CNNM3: variants seen among roughly 807,000 people sequenced by gnomAD.
The protein encoded by CNNM3 is cyclin and CBS domain divalent metal cation transport mediator 3, also known as metal transporter CNNM3.
CNNM3 carries 47 observed loss-of-function variants against 57.1 expected under a neutral mutation model. That is an observed-to-expected ratio of 0.82 (90% confidence interval 0.65 to 1.05). CNNM3 has a LOEUF of 1.05. CNNM3 is among the 50% of genes least tolerant of loss of function. CNNM3 has a pLI of 0.00. For synonymous variants in CNNM3, 507 were observed against 478.2 expected, an observed-to-expected ratio of 1.06 and a Z score of -0.79; for missense variants, 957 against 973.7, an observed-to-expected ratio of 0.98 and a Z score of 0.23.
intron 1 of CNNM3, among the ~76,000 whole-genome samples, chr2:96,824,184 T>TC (rs1331996522): frequency 6.6e-6 from 1 of 152,186 alleles, no homozygotes; most frequent in African/African-American, 2.4e-5. Context: ...TCCTGAAGCC[T>TC]CCCCAGCATT....
At chr2:96,829,296 A>ATTTT in intron 7 of CNNM3, 162 bp downstream of exon 7, 2 of 688,692 alleles carry the variant, frequency 2.9e-6, no homozygotes, top group Non-Finnish European at 1.8e-6. Flanking sequence ...TATATAAATA[A>ATTTT]TTTTTTTTTT....
intron 6 of CNNM3, 115 bp downstream of exon 6, chr2:96,828,815 A>C: frequency 6.7e-7 from 1 of 1,500,132 alleles, no homozygotes; most frequent in Non-Finnish European, 9.1e-7. Flanking sequence ...CCTGAGGGAC[A>C]CAGACCTTTG....
Position 96,828,649 on chromosome 2 carries a change from G to C in CNNM3, c.1869G>C (p.Ala623=), listed in dbSNP as rs372047605. The change falls in exon 6 of 8, where the codon GCG becomes GCC. Residue 623 remains alanine (A), a synonymous_variant. Transcript: ENST00000305510. ...PDPGDGTHSS[A]YCPDYTVRAL... ...CAGGTGACGGCACGCATTCATCTGC[G>C]TATTGTCCCGACTACACCGTGAGGG... is the stretch of plus-strand genomic sequence containing the variant. 1.9e-6 allele frequency: 3 copies of C among 1,614,158 alleles called. No homozygotes were observed. The highest frequency in any genetic ancestry group is 1.7e-5 in the Admixed American group (1 of 60,010).
rs758918218 is a variant in CNNM3, at chr2:96,827,823, G to A, written c.1612G>A (p.Glu538Lys). 5.6e-6 allele frequency: 9 copies of A among 1,614,058 alleles called. No individual in the cohort carries two copies. The Admixed American group carries it at 6.7e-5, about 12-fold the overall frequency. Residue 538 changes from glutamate (E) to lysine (K), a missense_variant, in exon 4 of 8, where the codon GAG becomes AAG. Glu to Lys is a moderately conservative substitution (Grantham distance 56, BLOSUM62 1). Coordinates refer to ENST00000305510, the MANE Select transcript of CNNM3 (RefSeq NM_017623.5). ...TGTCAACCAGGAAGTGAGGTTTGAC[G>A]AGAGCAACCGGCTGGCCACACACCA... is the stretch of plus-strand genomic sequence containing the variant. ...PSVNQEVRFDESNRLATHHYL... is the reference protein window; with the variant it reads ...PSVNQEVRFDKSNRLATHHYL...
intron 2 of CNNM3, 22 bp from the exon 3 acceptor site, chr2:96,826,811 G>C: frequency 6.2e-7 from 1 of 1,613,430 alleles, no homozygotes; most frequent in Non-Finnish European, 8.5e-7. Context: ...ATGCCTGAGC[G>C]CGCCCTCTTC....
At position 96,816,430 on chromosome 2, in the gene CNNM3, A is replaced by G. The variant is rs1352768594; in HGVS notation, c.153A>G (p.Gly51=). Residue 51 remains glycine, a synonymous_variant, in exon 1 of 8, where the codon GGA becomes GGG. Coordinates refer to ENST00000305510, the MANE Select transcript of CNNM3 (RefSeq NM_017623.5). ...DGAAGAGWVR[G]GAARDTPDAT... ...CGGCGGGCGCGGGTTGGGTACGCGG[A>G]GGGGCGGCGCGGGACACGCCGGACG... The G allele has an allele frequency of 2.8e-5, 39 of 1,387,030 alleles. 1 individual carries two copies. The highest frequency in any genetic ancestry group is 2.5e-4 in the Middle Eastern group (1 of 3,942). 85.9% of individuals were successfully genotyped at this position (1,387,030 alleles called of 1,614,324 possible).
intron 1 of CNNM3, among the ~76,000 whole-genome samples, chr2:96,823,450 C>G (rs974464585): frequency 6.6e-6 from 1 of 152,128 alleles, no homozygotes; most frequent in Non-Finnish European, 1.5e-5. Context: ...GTGGGGCAGC[C>G]GTGGCCCATG....
At chr2:96,824,904 T>G (rs1332845203) in intron 1 of CNNM3, 154 bp from the exon 2 acceptor site, 18 of 787,882 alleles carry the variant, frequency 2.3e-5, no homozygotes, top group Admixed American at 5.6e-5. Context: ...CTGGGAGTCT[T>G]AAGTAAAAAC....
intron 1 of CNNM3, among the ~76,000 whole-genome samples, chr2:96,821,652 A>G (rs1183089514): frequency 6.8e-6 from 1 of 147,740 alleles, no homozygotes; most frequent in Non-Finnish European, 1.5e-5. Context: ...ATGTCCTGAT[A>G]AACCCATTGT....
chr2:96,829,045 A>G lies in CNNM3; in HGVS notation c.1970A>G (p.Asn657Ser), dbSNP rs758128177. ...LNALLATRAQ[N>S]LPQSPENTDL... ...GCACTCCTGGCTACCCGAGCCCAGA[A>G]CCTGCCACAGTCCCCTGAGAACACC... is the stretch of plus-strand genomic sequence containing the variant. The change falls in exon 7 of 8, where the codon AAC (asparagine) becomes AGC (serine). Residue 657 changes from asparagine to serine, a missense_variant. Asn to Ser is a conservative substitution (Grantham distance 46, BLOSUM62 1). This residue lies in a region of CNNM3 where 491 missense variants were observed against 570.6 expected (regional missense o/e 0.86). Transcript: ENST00000305510. 6.2e-7 allele frequency: 1 copy of G among 1,613,690 alleles called. No homozygotes were observed. The highest frequency in any genetic ancestry group is 1.7e-5 in the Admixed American group (1 of 59,992).
At chr2:96,827,558 G>A (rs558337574) in intron 3 of CNNM3, among the ~76,000 whole-genome samples, 173 bp from the exon 4 acceptor site, 6 of 152,244 alleles carry the variant, frequency 3.9e-5, no homozygotes, top group East Asian at 3.9e-4. Context: ...GTGAGCCACC[G>A]CACCTGGCCC....
Position 96,816,947 on chromosome 2 carries a change from G to A in CNNM3, c.670G>A (p.Ala224Thr), listed in dbSNP as rs1574096378. The A allele has an allele frequency of 7.8e-7, 1 of 1,276,146 alleles. No individual in the cohort carries two copies. The highest frequency in any genetic ancestry group is 9.9e-7 in the Non-Finnish European group (1 of 1,006,574). The allele number at this position is 1,276,146 out of a possible 1,614,324, so 79.1% of individuals were successfully genotyped here. A position where few individuals can be genotyped will look rare whatever the true frequency, so the allele number is the denominator to read the frequency against. Residue 224 changes from alanine (A) to threonine (T), a missense_variant, in exon 1 of 8, where the codon GCC becomes ACC. Ala to Thr is a moderately conservative substitution (Grantham distance 58). This residue lies in a region of CNNM3 where 466 missense variants were observed against 403.1 expected (regional missense o/e 1.16). Coordinates refer to ENST00000305510, the MANE Select transcript of CNNM3 (RefSeq NM_017623.5). ...YRAAGQRAVPAVLGSAGLVFL... is the reference protein window; with the variant it reads ...YRAAGQRAVPTVLGSAGLVFL... The stretch of plus-strand genomic sequence containing the variant: ...CGCGGCCGGCCAGCGTGCGGTGCCC[G>A]CCGTGTTGGGCAGCGCGGGGCTCGT...
At chr2:96,825,662 G>T (rs997572013) in intron 2 of CNNM3, among the ~76,000 whole-genome samples, 2 of 151,792 alleles carry the variant, frequency 1.3e-5, no homozygotes, top group African/African-American at 4.9e-5. Flanking sequence ...CAGCTCTTTG[G>T]GAGGCCCAGG....
In CNNM3 at chr2:96,828,982, C is replaced by A. The variant is rs1244815594; in HGVS notation, c.1921-14C>A. ...CTTCACCAATTGGGTCCCAGTAACG[C>A]TGTCATCCTCCAGGTTACGCGACTG... On this transcript the variant is annotated splice_polypyrimidine_tract_variant and intron_variant, in intron 6 of 7. Coordinates refer to ENST00000305510, the MANE Select transcript of CNNM3 (RefSeq NM_017623.5). 3 of 1,612,912 alleles carry A rather than the reference C, an allele frequency of 1.9e-6. No homozygotes were observed. The African/African-American group carries it at 4.0e-5, about 21-fold the overall frequency.
In CNNM3 at chr2:96,833,006, G is replaced by C. The variant is rs377754031; in HGVS notation, c.*390G>C. 6.0e-6 allele frequency: 8 copies of C among 1,323,282 alleles called. No individual in the cohort carries two copies. Among genetic ancestry groups the C allele is most frequent in the Admixed American group, 2.2e-5 (1 of 44,484 alleles). The allele number at this position is 1,323,282 out of a possible 1,614,324, so 82.0% of individuals were successfully genotyped here. On this transcript the variant is annotated 3_prime_UTR_variant, in exon 8 of 8. Transcript: ENST00000305510. ...GTGCAGTTACTGCCTTTGTGTGGCC[G>C]TGACCTCTATTTGTTTGCTTTTAAT... is the stretch of plus-strand genomic sequence containing the variant.
intron 1 of CNNM3, among the ~76,000 whole-genome samples, chr2:96,818,726 C>T (rs542025036): frequency 3.0e-4 from 45 of 152,330 alleles, no homozygotes; most frequent in African/African-American, 9.4e-4. Context: ...TAGTGGTGCT[C>T]CCCAGAGTTT....
chr2:96,829,149 G>T lies in CNNM3; in HGVS notation c.2059+15G>T. ...CACAGCGGCAGGTGAGTGCCAAGTG[G>T]TACATCGTGCATGGTGTCTGGACCT... On this transcript the variant is annotated intron_variant, in intron 7 of 7. Transcript: ENST00000305510. The T allele has an allele frequency of 1.9e-6, 3 of 1,613,260 alleles. No homozygotes were observed. The highest frequency in any genetic ancestry group is 2.5e-6 in the Non-Finnish European group (3 of 1,179,670).
intron 7 of CNNM3, among the ~76,000 whole-genome samples, chr2:96,829,732 AAGGACGTCTTAGAATGG>A (rs1335281984): frequency 4.6e-5 from 7 of 152,010 alleles, no homozygotes; most frequent in Non-Finnish European, 1.0e-4. Flanking sequence ...TATTTCTCTC[AAGGACGTCTTAGAATGG>A]ATTGACTTAA....
At position 96,816,396 on chromosome 2, in the gene CNNM3, A is replaced by G; in HGVS notation, c.119A>G (p.Glu40Gly). 2.9e-6 allele frequency: 4 copies of G among 1,370,504 alleles called. No individual in the cohort carries two copies. The highest frequency in any genetic ancestry group is 3.8e-6 in the Non-Finnish European group (4 of 1,064,164). 84.9% of individuals were successfully genotyped at this position (1,370,504 alleles called of 1,614,324 possible). The change falls in exon 1 of 8, where the codon GAG becomes GGG. Residue 40 changes from glutamate (E) to glycine (G), a missense_variant. Glu to Gly is a moderately conservative substitution (Grantham distance 98, BLOSUM62 -2). Transcript: ENST00000305510. Reference sequence around the variant, plus strand: ...CGAGTGCTGGGCTTCTGCCTGGAGGAGGATGGAGCGGCGGGCGCGGGTTGG... The same window carrying G: ...CGAGTGCTGGGCTTCTGCCTGGAGGGGGATGGAGCGGCGGGCGCGGGTTGG... The part of the protein sequence containing the change: ...GPRVLGFCLE[E>G]DGAAGAGWVR...
Sources: gnomAD v4.1 joint callset for allele counts (sites outside exome capture counted in the v4.1 genomes callset) on GRCh38, gnomAD v4.1.1 for gene constraint, gnomAD v4.1.1 regional missense constraint, MANE v1.5 for transcripts, NCBI Gene and HGNC (gene_info 2026-07-23, HGNC 2026-07-21) for gene names.